The following RRBP1 variants were observed in gnomAD, a reference collection of about 807,000 sequenced individuals.
The protein encoded by RRBP1 is ribosome binding protein 1.
A neutral mutation model predicts 165.2 loss-of-function variants in RRBP1; 94 were observed. The observed-to-expected ratio is 0.57, with a 90% CI of 0.48 to 0.68. RRBP1 has a LOEUF of 0.68. Ranked by LOEUF, RRBP1 falls within the 30% of genes least tolerant of loss-of-function variation. The pLI is 0.00. For missense variants in RRBP1, 1,676 were observed against 1,763.0 expected, an observed-to-expected ratio of 0.95 and a Z score of 0.88; for synonymous variants, 680 against 714.5, an observed-to-expected ratio of 0.95 and a Z score of 0.77.
intron 24 of RRBP1, 56 bp downstream of exon 24, chr20:17,614,681 C>CGGT (rs2035757579): frequency 6.3e-7 from 1 of 1,598,054 alleles, no homozygotes; most frequent in Admixed American, 1.7e-5. Flanking sequence ...GTCCTGCCTC[C>CGGT]CCGGGGCTCC....
intron 22 of RRBP1, 71 bp from the exon 23 acceptor site, chr20:17,615,600 G>T: frequency 7.6e-7 from 1 of 1,315,456 alleles, no homozygotes. Context: ...ACCCTACCGA[G>T]CACGCCTGGG....
rs1322076012 is a variant in RRBP1 at position 17,625,482 on chromosome 20, T to C, written c.3054+30A>G. On this transcript the variant is annotated intron_variant, in intron 12 of 24. Transcript: ENST00000377813. ...GCCCCACCTGTGCTTCCCTGGCCCG[T>C]CCGTCCCCGCCTGTGCCTGCCGCAC... 7 of 1,602,950 alleles carry C rather than the reference T, an allele frequency of 4.4e-6. No homozygotes were observed. In the African/African-American group the frequency reaches 6.7e-5, roughly 15 times the overall value.
chr20:17,615,463 A>G lies in RRBP1; in HGVS notation c.4018T>C (p.Ser1340Pro). Residue 1340 changes from serine (S) to proline (P), a missense_variant, in exon 23 of 25, where the codon TCT becomes CCT. Transcript: ENST00000377813. ...TGTGAGGCCTCCTCTGTTTCTGAAG[A>G]CTCTAGGGGGCCGGCTGTGCGGAGC... ...EKLRTAGPLE[S>P]SETEEASQLK... 6.2e-7 allele frequency: 1 copy of G among 1,606,532 alleles called. No homozygotes were observed. The highest frequency in any genetic ancestry group is 8.5e-7 in the Non-Finnish European group (1 of 1,177,046).
intron 3 of RRBP1, among the ~76,000 whole-genome samples, chr20:17,644,129 A>G (rs976611110): frequency 4.6e-5 from 7 of 151,602 alleles, no homozygotes; most frequent in Admixed American, 6.7e-5. Flanking sequence ...CTTACTAGTC[A>G]TAATATTTTC....
intron 8 of RRBP1, among the ~76,000 whole-genome samples, chr20:17,633,016 C>T (rs2036181547): frequency 6.6e-6 from 1 of 152,204 alleles, no homozygotes; most frequent in African/African-American, 2.4e-5. Context: ...TGCAGTACCA[C>T]AGTGGGGGCA....
Position 17,620,158 on chromosome 20 carries a change from G to A in RRBP1, c.3579+141C>T, listed in dbSNP as rs1294972471. Reference sequence around the variant, plus strand: ...CATTAAGGAAAAACAGGATGGACAAGATCCCTTGGCTTGAGAGAGAATGCC... The same window carrying A: ...CATTAAGGAAAAACAGGATGGACAAAATCCCTTGGCTTGAGAGAGAATGCC... On this transcript the variant is annotated intron_variant, in intron 18 of 24. Coordinates refer to ENST00000377813, the MANE Select transcript of RRBP1 (RefSeq NM_001365613.2). The A allele has an allele frequency of 5.7e-6, 4 of 701,868 alleles. No homozygotes were observed. The Admixed American group carries it at 6.4e-5, about 11-fold the overall frequency. The allele number at this position is 701,868 out of a possible 1,614,324, so 43.5% of individuals were successfully genotyped here.
chr20:17,644,204 T>G (rs1055465934), intron 3 of RRBP1, among the ~76,000 whole-genome samples: 1 of 152,212 alleles, frequency 6.6e-6, no homozygotes. Context: ...GGCGAGCTGG[T>G]TGCTATGAGC....
At chr20:17,638,725 G>A (rs902341591) in intron 5 of RRBP1, among the ~76,000 whole-genome samples, 10 of 151,952 alleles carry the variant, frequency 6.6e-5, no homozygotes, top group Admixed American at 5.2e-4. Flanking sequence ...GTGGTGGGGG[G>A]GTTCCGGCGC....
chr20:17,613,996 A>C lies in RRBP1; in HGVS notation c.*186T>G, dbSNP rs2035741536. 1 of 624,100 alleles carries C rather than the reference A, an allele frequency of 1.6e-6. No individual in the cohort carries two copies. Among genetic ancestry groups the C allele is most frequent in the African/African-American group, 1.8e-5 (1 of 54,912 alleles). 38.7% of individuals were successfully genotyped at this position (624,100 alleles called of 1,614,324 possible). A position where few individuals can be genotyped will look rare whatever the true frequency, so the allele number is the denominator to read the frequency against. On this transcript the variant is annotated 3_prime_UTR_variant, in exon 25 of 25. Coordinates refer to ENST00000377813, the MANE Select transcript of RRBP1 (RefSeq NM_001365613.2). ...TGTTTATCAAATGTGACACAGGTTCATTTACAAACTGGGGCTCTGGAAGGT... is the reference window on the plus strand; with the variant it reads ...TGTTTATCAAATGTGACACAGGTTCCTTTACAAACTGGGGCTCTGGAAGGT...
rs763245641 is a variant in RRBP1 at position 17,627,454 on chromosome 20, TG to T, written c.2928+49del. ...ACGCAGCGGGGCTAGTCCACCCACCTGCTAGATGGAGTTCCCTTTCCTCCCC... is the reference window on the plus strand; with the variant it reads ...ACGCAGCGGGGCTAGTCCACCCACCTCTAGATGGAGTTCCCTTTCCTCCCC... On this transcript the variant is annotated intron_variant, in intron 10 of 24. Transcript: ENST00000377813. 38 of 1,608,522 alleles carry T rather than the reference TG, an allele frequency of 2.4e-5. No individual in the cohort carries two copies. The South Asian group carries it at 4.1e-4, about 17-fold the overall frequency.
chr20:17,623,580 G>T (rs891360697), intron 13 of RRBP1, among the ~76,000 whole-genome samples: 21 of 152,190 alleles, frequency 1.4e-4, no homozygotes, highest in African/African-American at 4.6e-4. Flanking sequence ...CAGGGCCAAC[G>T]CGGCCTCTGT....
intron 4 of RRBP1, 112 bp from the exon 5 acceptor site, chr20:17,642,031 C>T (rs41276398): frequency 0.2 from 238,839 of 1,214,748 alleles, 25,263 homozygotes; most frequent in Admixed American, 0.28. Flanking sequence ...GCAGGGGCTT[C>T]GAGTCAAGGG....
At chr20:17,625,670 G>A in intron 11 of RRBP1, 68 bp from the exon 12 acceptor site, 1 of 1,330,004 alleles carries the variant, frequency 7.5e-7, no homozygotes, top group Non-Finnish European at 1.1e-6. Flanking sequence ...TCCCACCTGA[G>A]GCCCCATCCA....
At chr20:17,639,824 C>T (rs1051582533) in intron 5 of RRBP1, among the ~76,000 whole-genome samples, 6 of 145,318 alleles carry the variant, frequency 4.1e-5, no homozygotes, top group Non-Finnish European at 7.4e-5. Context: ...ACCCGGGAGG[C>T]GGAGGTTGCA....
At chr20:17,654,337 C>T (rs1045971112) in intron 3 of RRBP1, among the ~76,000 whole-genome samples, 10 of 152,230 alleles carry the variant, frequency 6.6e-5, no homozygotes, top group African/African-American at 2.4e-4. Flanking sequence ...TGTACAGATG[C>T]TGCTCCCCCA....
chr20:17,678,392 T>C (rs555667151), intron 2 of RRBP1, among the ~76,000 whole-genome samples: 1 of 152,380 alleles, frequency 6.6e-6, no homozygotes, highest in African/African-American at 2.4e-5. Context: ...AGGGCCACTA[T>C]CTGTGTGGCC....
At chr20:17,642,178 T>C (rs1182180050) in intron 4 of RRBP1, among the ~76,000 whole-genome samples, 1 of 152,210 alleles carries the variant, frequency 6.6e-6, no homozygotes, top group Non-Finnish European at 1.5e-5. Flanking sequence ...TTTAGGAGTG[T>C]GGTGTTGCCA....
intron 3 of RRBP1, among the ~76,000 whole-genome samples, chr20:17,648,126 C>T (rs923163379): frequency 3.9e-5 from 6 of 152,190 alleles, no homozygotes; most frequent in Non-Finnish European, 5.9e-5. Flanking sequence ...TCTCTCTCAA[C>T]CTGAGGAGCC....
rs758658923 is a variant in RRBP1 at position 17,620,289 on chromosome 20, G to A, written c.3579+10C>T. ...GACAAGAGAAAGAGTTCTCTGAGCA[G>A]AGCACATACCTGGTCCGAACTTTCA... is the stretch of plus-strand genomic sequence containing the variant. On this transcript the variant is annotated intron_variant, in intron 18 of 24. Transcript: ENST00000377813. 5 of 1,605,092 alleles carry A rather than the reference G, an allele frequency of 3.1e-6. No homozygotes were observed. The South Asian group carries it at 5.5e-5, about 18-fold the overall frequency.
Sources: gnomAD v4.1 joint callset for allele counts (sites outside exome capture counted in the v4.1 genomes callset) on GRCh38, gnomAD v4.1.1 for gene constraint, MANE v1.5 for transcripts, NCBI Gene and HGNC (gene_info 2026-07-23, HGNC 2026-07-21) for gene names.